The following MYO5A variants were observed in gnomAD, a reference collection of about 807,000 sequenced individuals.
MYO5A encodes the protein myosin VA.
A neutral mutation model predicts 249.7 loss-of-function variants in MYO5A; 98 were observed. The ratio of observed to expected loss-of-function variants is 0.39; its 90% CI spans 0.33 to 0.46. The LOEUF (loss-of-function observed/expected upper bound fraction) is 0.46, where lower values mean the gene tolerates loss of function less well. Ranked by LOEUF, MYO5A falls within the 20% of genes least tolerant of loss-of-function variation. The pLI, the probability that MYO5A is intolerant of heterozygous loss-of-function variation, is 0.98. For missense variants in MYO5A, 1,696 were observed against 2,308.8 expected (o/e 0.73, Z 5.44); for synonymous variants, 778 against 810.6 (o/e 0.96, Z 0.68).
intron 34 of MYO5A, among the ~76,000 whole-genome samples, chr15:52,332,326 CAACT>C (rs1464570434): frequency 2.0e-5 from 3 of 152,138 alleles, no homozygotes; most frequent in Non-Finnish European, 2.9e-5. Context: ...AAAAAATTGC[CAACT>C]AAACTATAAC....
chr15:52,320,874 G>T (rs140238542), intron 38 of MYO5A, among the ~76,000 whole-genome samples: 151 of 152,204 alleles, frequency 9.9e-4, no homozygotes, highest in East Asian at 7.6e-3. Context: ...TTAACTGGGC[G>T]TGGTGGCAGG....
chr15:52,520,968 G>A (rs140866429), intron 1 of MYO5A, among the ~76,000 whole-genome samples: 138 of 152,184 alleles, frequency 9.1e-4, no homozygotes, highest in African/African-American at 3.1e-3. Context: ...AGTGGTTCAC[G>A]CCAGTAATCT....
intron 1 of MYO5A, among the ~76,000 whole-genome samples, chr15:52,455,797 T>C (rs1467519089): frequency 6.8e-6 from 1 of 148,128 alleles, no homozygotes; most frequent in Non-Finnish European, 1.5e-5. Flanking sequence ...CTCAACAAAG[T>C]GGTTACAGAA....
intron 1 of MYO5A, among the ~76,000 whole-genome samples, chr15:52,476,577 A>T (rs573239284): frequency 6.6e-6 from 1 of 152,218 alleles, no homozygotes; most frequent in African/African-American, 2.4e-5. Flanking sequence ...AGCTCTTGTA[A>T]GGCAGGCCTG....
At chr15:52,445,015 C>T (rs2075858750) in intron 1 of MYO5A, among the ~76,000 whole-genome samples, 1 of 152,152 alleles carries the variant, frequency 6.6e-6, no homozygotes, top group Non-Finnish European at 1.5e-5. Context: ...AGGCAGCTCC[C>T]TTTGTGTTGC....
At chr15:52,377,476 A>G (rs2041479432) in intron 18 of MYO5A, among the ~76,000 whole-genome samples, 1 of 152,028 alleles carries the variant, frequency 6.6e-6, no homozygotes, top group Non-Finnish European at 1.5e-5. Flanking sequence ...TTTATATTAC[A>G]TTGTGATTCA....
intron 2 of MYO5A, among the ~76,000 whole-genome samples, chr15:52,429,692 A>AC (rs796093646): frequency 0.012 from 862 of 73,966 alleles, 8 homozygotes; most frequent in African/African-American, 0.025. Flanking sequence ...CCATCTCAAA[A>AC]AAAAACAAAA....
rs145292535 is a variant in MYO5A, at chr15:52,514,628, G to A, written c.27+14152C>T. On this transcript the variant is annotated intron_variant, in intron 1 of 41. Coordinates refer to ENST00000399233, the MANE Select transcript of MYO5A (RefSeq NM_001382347.1). The stretch of plus-strand genomic sequence containing the variant: ...GCCCAGGGCGAAGGCAGGTCATGAA[G>A]AGCCTGTGTACTACAGCCTCACTGC... Among the ~76,000 whole-genome samples the A allele has an allele frequency of 1.6e-3, 243 of 152,312 alleles. 1 individual carries two copies. The highest frequency in any genetic ancestry group is 5.6e-3 in the African/African-American group (233 of 41,570).
chr15:52,486,899 G>T (rs111422011), intron 1 of MYO5A, among the ~76,000 whole-genome samples: 7 of 152,318 alleles, frequency 4.6e-5, no homozygotes, highest in African/African-American at 1.7e-4. Context: ...GCACACGGGT[G>T]AAGGAAACAC....
chr15:52,351,606 G>T (rs552744170), intron 27 of MYO5A, 125 bp from the exon 28 acceptor site: 1 of 902,460 alleles, frequency 1.1e-6, no homozygotes, highest in East Asian at 2.5e-5. Flanking sequence ...CCTAGTGAAT[G>T]GCTTCCTAGG....
intron 1 of MYO5A, among the ~76,000 whole-genome samples, chr15:52,439,537 G>A (rs1176147748): frequency 6.6e-6 from 1 of 152,178 alleles, no homozygotes; most frequent in African/African-American, 2.4e-5. Context: ...CATAGTTTGT[G>A]GGCAGCACAT....
At chr15:52,316,177 T>A (rs2038000574) in intron 40 of MYO5A, among the ~76,000 whole-genome samples, 1 of 128,400 alleles carries the variant, frequency 7.8e-6, no homozygotes, top group Non-Finnish European at 1.5e-5. Flanking sequence ...GAGCTTGCAG[T>A]GAGTGGAGAT....
At chr15:52,475,629 A>C (rs550599924) in intron 1 of MYO5A, among the ~76,000 whole-genome samples, 4 of 152,146 alleles carry the variant, frequency 2.6e-5, no homozygotes, top group East Asian at 3.9e-4. Flanking sequence ...TTATTTCTGC[A>C]TTCATTTTGT....
At position 52,344,513 on chromosome 15, in the gene MYO5A, G is replaced by A. The variant is rs1019079287; in HGVS notation, c.3960-1316C>T. ...ATAAACCAAACAGCTTTCTGACTTC[G>A]TCTTCTTATGTATCTTTCAAAACGT... On this transcript the variant is annotated intron_variant, in intron 30 of 41. Transcript: ENST00000399233. Among the ~76,000 whole-genome samples, 8 of 152,074 alleles carry A rather than the reference G, an allele frequency of 5.3e-5. No homozygotes were observed. The East Asian group carries it at 9.6e-4, about 18-fold the overall frequency.
rs139006625 is a variant in MYO5A, at chr15:52,423,598, G to A, written c.455+2232C>T. Among the ~76,000 whole-genome samples the A allele has an allele frequency of 1.1e-4, 17 of 151,698 alleles. No homozygotes were observed. The East Asian group carries it at 3.3e-3, about 29-fold the overall frequency. On this transcript the variant is annotated intron_variant, in intron 4 of 41. Coordinates refer to ENST00000399233, the MANE Select transcript of MYO5A (RefSeq NM_001382347.1). ...AATGGCAAGAAATGATCCTGCAGCA[G>A]TTATTTCTGACTGTAAGCCTGAATA...
chr15:52,318,991 CT>C, intron 39 of MYO5A, 68 bp downstream of exon 39: 1 of 1,566,182 alleles, frequency 6.4e-7, no homozygotes, highest in Non-Finnish European at 8.7e-7. Context: ...AAGTCATCAG[CT>C]CTCCACAACC....
At chr15:52,435,548 A>G (rs1388364546) in intron 1 of MYO5A, 1 of 424,924 alleles carries the variant, frequency 2.4e-6, no homozygotes, top group Non-Finnish European at 4.6e-6. Context: ...AGGTGCTGGG[A>G]TTACAGGCAT....
At chr15:52,478,498 G>A (rs1180465956) in intron 1 of MYO5A, among the ~76,000 whole-genome samples, 7 of 152,092 alleles carry the variant, frequency 4.6e-5, no homozygotes, top group Admixed American at 2.6e-4. Context: ...CGTCTTCTGC[G>A]TCGCTCATGC....
intron 2 of MYO5A, among the ~76,000 whole-genome samples, chr15:52,431,393 C>T (rs1292841625): frequency 1.3e-5 from 2 of 151,634 alleles, no homozygotes; most frequent in Non-Finnish European, 2.9e-5. Flanking sequence ...AAAATACATA[C>T]ATACAAACAC....
Sources: gnomAD v4.1 joint callset for allele counts (sites outside exome capture counted in the v4.1 genomes callset) on GRCh38, gnomAD v4.1.1 for gene constraint, MANE v1.5 for transcripts, NCBI Gene and HGNC (gene_info 2026-07-23, HGNC 2026-07-21) for gene names.